The following GABRG1 variants were observed in gnomAD, a reference collection of about 807,000 sequenced individuals.
The protein encoded by GABRG1 is gamma-aminobutyric acid type A receptor subunit gamma1, also known as gamma-aminobutyric acid receptor subunit gamma-1.
Under a neutral mutation model 49.8 loss-of-function variants are expected in GABRG1, and 49 were observed. The observed-to-expected ratio is 0.98, with a 90% CI of 0.78 to 1.25. GABRG1 has a LOEUF of 1.25. Ranked by LOEUF, GABRG1 falls within the 50% of genes most tolerant of loss-of-function variation. The probability of loss-of-function intolerance (pLI) is 0.00; values close to 1 mark genes in which losing one functional copy is unlikely to be tolerated. For missense variants in GABRG1, 552 were observed against 552.3 expected (o/e 1.00, Z 0.01); for synonymous variants, 232 against 185.1 (o/e 1.25, Z -2.06).
At chr4:46,043,698 C>T (rs1717872849) in intron 8 of GABRG1, among the ~76,000 whole-genome samples, 1 of 151,858 alleles carries the variant, frequency 6.6e-6, no homozygotes, top group Non-Finnish European at 1.5e-5. Flanking sequence ...AAAGTAGCAA[C>T]ATAATTGAAT....
At chr4:46,047,639 T>G (rs938709809) in intron 8 of GABRG1, among the ~76,000 whole-genome samples, 1 of 151,892 alleles carries the variant, frequency 6.6e-6, no homozygotes, top group Non-Finnish European at 1.5e-5. Context: ...AAAAATACAT[T>G]TTATGTTTTT....
chr4:46,070,742 C>A (rs189847472), intron 3 of GABRG1, among the ~76,000 whole-genome samples: 226 of 152,118 alleles, frequency 1.5e-3, no homozygotes, highest in African/African-American at 5.3e-3. Context: ...GTTAGGGAGC[C>A]AGGGAAGAGT....
rs551901854 is a variant in GABRG1 at position 46,076,301 on chromosome 4, T to TAG, written c.321+7683_321+7684dup. 5.4e-4 allele frequency among the ~76,000 whole-genome samples: 79 copies of TAG among 147,298 alleles called. 1 individual carries two copies. The East Asian group carries it at 0.011, about 20-fold the overall frequency. Reference sequence around the variant, plus strand: ...TAACATATGTATCTCTACACAGTTTTAGAATGTAATCTCCTAACATGACAA... The same window carrying TAG: ...TAACATATGTATCTCTACACAGTTTTAGAGAATGTAATCTCCTAACATGACAA... On this transcript the variant is annotated intron_variant, in intron 3 of 8. Transcript: ENST00000295452.
chr4:46,059,556 A>C (rs1467610997), intron 5 of GABRG1, among the ~76,000 whole-genome samples: 1 of 151,642 alleles, frequency 6.6e-6, no homozygotes, highest in Non-Finnish European at 1.5e-5. Context: ...ACGAATGGCT[A>C]CCCTTTTTTT....
intron 7 of GABRG1, among the ~76,000 whole-genome samples, chr4:46,052,319 C>T (rs559551344): frequency 2.0e-5 from 3 of 151,826 alleles, no homozygotes; most frequent in African/African-American, 7.2e-5. Flanking sequence ...TGACATTTTC[C>T]ACCATACATA....
rs528585153 is a variant in GABRG1, at chr4:46,103,417, GGTTA to G, written c.105-6072_105-6069del. Among the ~76,000 whole-genome samples, 29 of 151,324 alleles carry G rather than the reference GGTTA, an allele frequency of 1.9e-4. No homozygotes were observed. In the South Asian group the frequency reaches 5.8e-3, roughly 30 times the overall value. On this transcript the variant is annotated intron_variant, in intron 1 of 8. Coordinates refer to ENST00000295452, the MANE Select transcript of GABRG1 (RefSeq NM_173536.4). ...TGGTACTTCCTCATAAAAACTTCTG[GGTTA>G]GTTAGTTGGTCATTATTTCCACACA... is the stretch of plus-strand genomic sequence containing the variant.
At chr4:46,119,547 A>G (rs1721034853) in intron 1 of GABRG1, among the ~76,000 whole-genome samples, 2 of 151,410 alleles carry the variant, frequency 1.3e-5, no homozygotes, top group Admixed American at 1.3e-4. Context: ...CTCATTAGGT[A>G]ATTTGGCTAA....
At chr4:46,117,850 A>G (rs534732710) in intron 1 of GABRG1, among the ~76,000 whole-genome samples, 24 of 85,772 alleles carry the variant, frequency 2.8e-4, no homozygotes, top group African/African-American at 1.8e-3. Context: ...ATACATGTGT[A>G]TCTATATACA....
intron 1 of GABRG1, among the ~76,000 whole-genome samples, chr4:46,097,640 A>T (rs566656884): frequency 6.6e-6 from 1 of 151,682 alleles, no homozygotes; most frequent in Non-Finnish European, 1.5e-5. Context: ...CCACCAAAAT[A>T]TGACTGGTGT....
intron 7 of GABRG1, among the ~76,000 whole-genome samples, chr4:46,056,238 T>G (rs1042207683): frequency 6.7e-6 from 1 of 149,610 alleles, no homozygotes; most frequent in Non-Finnish European, 1.5e-5. Flanking sequence ...CCACAAAAAT[T>G]TACCTGATCT....
intron 8 of GABRG1, among the ~76,000 whole-genome samples, chr4:46,045,387 T>G (rs983917855): frequency 5.9e-5 from 9 of 151,962 alleles, no homozygotes; most frequent in Admixed American, 2.6e-4. Flanking sequence ...AAATCTGGAA[T>G]ATATGCTGAA....
At chr4:46,098,710 T>C (rs1438625547) in intron 1 of GABRG1, among the ~76,000 whole-genome samples, 1 of 151,712 alleles carries the variant, frequency 6.6e-6, no homozygotes, top group Non-Finnish European at 1.5e-5. Flanking sequence ...TCTTTGGTAT[T>C]TTTTTAGTGC....
chr4:46,112,375 C>A (rs1289944112), intron 1 of GABRG1, among the ~76,000 whole-genome samples: 1 of 151,384 alleles, frequency 6.6e-6, no homozygotes, highest in Non-Finnish European at 1.5e-5. Context: ...AATGCTTATA[C>A]ACTGTTGATG....
Position 46,088,803 on chromosome 4 carries a change from GTT to G in GABRG1, c.254-4752_254-4751del, listed in dbSNP as rs1489197083. Among the ~76,000 whole-genome samples, 350 of 145,956 alleles carry G rather than the reference GTT, an allele frequency of 2.4e-3. 3 individuals carry two copies. The highest frequency in any genetic ancestry group is 0.01 in the Middle Eastern group (3 of 290). Reference sequence around the variant, plus strand: ...ATATTTAAATGGCATGTGTGTGTGTGTTTGTGTGTGTTTGTGTGTGTGTGTGT... The same window carrying G: ...ATATTTAAATGGCATGTGTGTGTGTGTGTGTGTGTTTGTGTGTGTGTGTGT... On this transcript the variant is annotated intron_variant, in intron 2 of 8. Coordinates refer to ENST00000295452, the MANE Select transcript of GABRG1 (RefSeq NM_173536.4).
chr4:46,123,434 A>T (rs1340206738), intron 1 of GABRG1, among the ~76,000 whole-genome samples: 2 of 152,126 alleles, frequency 1.3e-5, no homozygotes, highest in African/African-American at 4.8e-5. Flanking sequence ...TTTCTGAAAT[A>T]ACTTTGTTTT....
At chr4:46,041,418 G>T (rs1717778987) in intron 8 of GABRG1, among the ~76,000 whole-genome samples, 164 bp from the exon 9 acceptor site, 1 of 151,742 alleles carries the variant, frequency 6.6e-6, no homozygotes, top group Non-Finnish European at 1.5e-5. Context: ...ATTATAATTT[G>T]CTTTGTAATA....
chr4:46,115,591 T>TTATA (rs1311371051), intron 1 of GABRG1, among the ~76,000 whole-genome samples: 1 of 150,736 alleles, frequency 6.6e-6, no homozygotes, highest in African/African-American at 2.4e-5. Context: ...ATGAATAAGA[T>TTATA]TATACATCAA....
Position 46,104,772 on chromosome 4 carries a change from G to A in GABRG1, c.105-7423C>T, listed in dbSNP as rs1720482287. 2.0e-5 allele frequency among the ~76,000 whole-genome samples: 3 copies of A among 151,338 alleles called. No homozygotes were observed. The Admixed American group carries it at 2.0e-4, about 10-fold the overall frequency. On this transcript the variant is annotated intron_variant, in intron 1 of 8. Transcript: ENST00000295452. ...GTGCTTATTGTGTGCTGAGCATCCAGCATTTCTGGATGCTGGGGATGCAAA... is the reference window on the plus strand; with the variant it reads ...GTGCTTATTGTGTGCTGAGCATCCAACATTTCTGGATGCTGGGGATGCAAA...
At chr4:46,065,718 C>T (rs1216186863) in intron 3 of GABRG1, 134 bp from the exon 4 acceptor site, 3 of 592,296 alleles carry the variant, frequency 5.1e-6, no homozygotes, top group Non-Finnish European at 8.8e-6. Context: ...GAAAAAAATG[C>T]CATTATTTTA....
Sources: allele counts gnomAD v4.1 joint callset (sites outside exome capture counted in the v4.1 genomes callset), GRCh38; gene constraint gnomAD v4.1.1; transcripts MANE v1.5; gene names NCBI Gene and HGNC (gene_info 2026-07-23, HGNC 2026-07-21).